ADH1C: variants seen among roughly 807,000 people sequenced by gnomAD.
ADH1C encodes alcohol dehydrogenase 1C.
ADH1C carries 26 observed loss-of-function variants against 35.0 expected under a neutral mutation model. That is an observed-to-expected ratio of 0.74 (90% CI 0.54 to 1.03). ADH1C has a LOEUF of 1.03. Ranked by LOEUF, ADH1C falls within the 50% of genes least tolerant of loss-of-function variation. The probability of loss-of-function intolerance (pLI) is 0.00; values close to 1 mark genes in which losing one functional copy is unlikely to be tolerated. For synonymous variants in ADH1C, 170 were observed against 169.3 expected (o/e 1.00, Z -0.03); for missense variants, 413 against 465.4 (o/e 0.89, Z 1.04).
Position 99,341,206 on chromosome 4 carries a change from T to A in ADH1C, c.829-496A>T, listed in dbSNP as rs556356589. ...CAGATTCCTATGTCCATTTCTCAAG[T>A]GGACATGTTTTAAACATTGTTTTTA... On this transcript the variant is annotated intron_variant, in intron 6 of 8. Coordinates refer to ENST00000515683, the MANE Select transcript of ADH1C (RefSeq NM_000669.5). Among the ~76,000 whole-genome samples, 4 of 152,326 alleles carry A rather than the reference T, an allele frequency of 2.6e-5. No homozygotes were observed. In the South Asian group the frequency reaches 8.3e-4, roughly 32 times the overall value.
At chr4:99,346,981 T>C in intron 3 of ADH1C, 25 bp downstream of exon 3, 1 of 1,609,828 alleles carries the variant, frequency 6.2e-7, no homozygotes, top group Admixed American at 1.7e-5. Flanking sequence ...AACCAAGGCA[T>C]GTTCCCTGAG....
intron 6 of ADH1C, among the ~76,000 whole-genome samples, chr4:99,341,012 C>A (rs1734403145): frequency 1.3e-5 from 2 of 152,178 alleles, no homozygotes; most frequent in Admixed American, 6.5e-5. Flanking sequence ...GTTCCTTGTA[C>A]AAGTGTACAT....
In ADH1C at chr4:99,349,454, A is replaced by G. The variant is rs562294423; in HGVS notation, c.19-1608T>C. 1.5e-3 allele frequency among the ~76,000 whole-genome samples: 233 copies of G among 152,242 alleles called. 1 individual carries two copies. The highest frequency in any genetic ancestry group is 5.5e-3 in the African/African-American group (230 of 41,538). On this transcript the variant is annotated intron_variant, in intron 1 of 8. Transcript: ENST00000515683. Reference sequence around the variant, plus strand: ...TCCTGAAGACAACTGTTTACCCACAACTATTGGCTGGTACATGTTCTAAGT... The same window carrying G: ...TCCTGAAGACAACTGTTTACCCACAGCTATTGGCTGGTACATGTTCTAAGT...
Position 99,347,862 on chromosome 4 carries a change from G to A in ADH1C, c.19-16C>T, listed in dbSNP as rs770714496. On this transcript the variant is annotated splice_polypyrimidine_tract_variant and intron_variant, in intron 1 of 8. Transcript: ENST00000515683. ...ATTTGATTACCTAGAACATCAGACA[G>A]AGAGATGGTACCAGTGTTTTCCCAC... is the stretch of plus-strand genomic sequence containing the variant. The A allele has an allele frequency of 1.2e-6, 2 of 1,613,108 alleles. No individual in the cohort carries two copies. Among genetic ancestry groups the A allele is most frequent in the Non-Finnish European group, 1.7e-6 (2 of 1,179,414 alleles).
At chr4:99,348,769 C>T (rs888390907) in intron 1 of ADH1C, among the ~76,000 whole-genome samples, 16 of 152,018 alleles carry the variant, frequency 1.1e-4, no homozygotes, top group Non-Finnish European at 2.2e-4. Context: ...CCTATTTCTC[C>T]ACATCCTCTC....
chr4:99,339,274 G>C (rs1446665087), intron 8 of ADH1C, among the ~76,000 whole-genome samples: 2 of 151,976 alleles, frequency 1.3e-5, no homozygotes, highest in South Asian at 2.1e-4. Context: ...TTTTTGGAGG[G>C]GGATGGGGGC....
Position 99,345,160 on chromosome 4 carries a change from G to T in ADH1C, c.347+19C>A, listed in dbSNP as rs75797048. ...TGTGCAAACTCAAAGTCTGTGCAAAGAAAGCATCAGAAACTTACTCATTTT... is the reference window on the plus strand; with the variant it reads ...TGTGCAAACTCAAAGTCTGTGCAAATAAAGCATCAGAAACTTACTCATTTT... On this transcript the variant is annotated intron_variant, in intron 4 of 8. Coordinates refer to ENST00000515683, the MANE Select transcript of ADH1C (RefSeq NM_000669.5). The T allele has an allele frequency of 2.5e-3, 3,988 of 1,613,690 alleles. 8 individuals are homozygous for T. Among genetic ancestry groups the T allele is most frequent in the Non-Finnish European group, 3.0e-3 (3,486 of 1,179,654 alleles).
chr4:99,338,871 T>A (rs1734347123), intron 8 of ADH1C, among the ~76,000 whole-genome samples: 1 of 151,806 alleles, frequency 6.6e-6, no homozygotes, highest in African/African-American at 2.4e-5. Flanking sequence ...TATTTCCAGT[T>A]ATGTCTCATA....
chr4:99,347,157 G>C lies in ADH1C; in HGVS notation c.121-13C>G. 1.9e-6 allele frequency: 3 copies of C among 1,608,754 alleles called. No individual in the cohort carries two copies. The highest frequency in any genetic ancestry group is 2.5e-6 in the Non-Finnish European group (3 of 1,178,518). Reference sequence around the variant, plus strand: ...CTGCAGCCACCATCTACAGAATAAAGAGAAGATGTTTAGATTCAGAAAAGA... The same window carrying C: ...CTGCAGCCACCATCTACAGAATAAACAGAAGATGTTTAGATTCAGAAAAGA... On this transcript the variant is annotated splice_polypyrimidine_tract_variant and intron_variant, in intron 2 of 8. Transcript: ENST00000515683.
Position 99,345,401 on chromosome 4 carries a change from G to A in ADH1C, c.260-135C>T. Reference sequence around the variant, plus strand: ...AGAAATAGGGTCTAGTCACAACTATGTCATTTGTCATTGCCTGCCAAGGCA... The same window carrying A: ...AGAAATAGGGTCTAGTCACAACTATATCATTTGTCATTGCCTGCCAAGGCA... On this transcript the variant is annotated intron_variant, in intron 3 of 8. Transcript: ENST00000515683. 3.3e-6 allele frequency: 3 copies of A among 921,918 alleles called. No homozygotes were observed. In the Middle Eastern group the frequency reaches 9.8e-4, roughly 302 times the overall value. 57.1% of individuals were successfully genotyped at this position (921,918 alleles called of 1,614,324 possible).
chr4:99,345,301 C>A (rs1270288375), intron 3 of ADH1C, 35 bp from the exon 4 acceptor site: 2 of 1,577,922 alleles, frequency 1.3e-6, no homozygotes, highest in Non-Finnish European at 1.7e-6. Flanking sequence ...TCTTAAATTT[C>A]TATGCAGGAA....
Position 99,345,148 on chromosome 4 carries a change from A to G in ADH1C, c.347+31T>C, listed in dbSNP as rs1417698331. On this transcript the variant is annotated intron_variant, in intron 4 of 8. Transcript: ENST00000515683. Reference sequence around the variant, plus strand: ...GACCATAACTAATGTGCAAACTCAAAGTCTGTGCAAAGAAAGCATCAGAAA... The same window carrying G: ...GACCATAACTAATGTGCAAACTCAAGGTCTGTGCAAAGAAAGCATCAGAAA... 3 of 1,613,668 alleles carry G rather than the reference A, an allele frequency of 1.9e-6. No individual in the cohort carries two copies. The South Asian group carries it at 3.3e-5, about 18-fold the overall frequency.
At chr4:99,342,135 C>T (rs1233240521) in intron 6 of ADH1C, among the ~76,000 whole-genome samples, 2 of 152,164 alleles carry the variant, frequency 1.3e-5, no homozygotes, top group Non-Finnish European at 1.5e-5. Context: ...TTGTCTCATG[C>T]GTTTCATAAA....
chr4:99,348,387 T>C lies in ADH1C; in HGVS notation c.19-541A>G, dbSNP rs1734593001. 2.0e-5 allele frequency among the ~76,000 whole-genome samples: 3 copies of C among 151,618 alleles called. No individual in the cohort carries two copies. The South Asian group carries it at 6.3e-4, about 32-fold the overall frequency. ...TGAGAATATGCGGTGTTTGGTTTTT[T>C]GTTCTTGCGATAGTTTACTGAGAAT... On this transcript the variant is annotated intron_variant, in intron 1 of 8. Coordinates refer to ENST00000515683, the MANE Select transcript of ADH1C (RefSeq NM_000669.5).
At chr4:99,344,484 G>A (rs188096041) in intron 5 of ADH1C, among the ~76,000 whole-genome samples, 52 of 152,232 alleles carry the variant, frequency 3.4e-4, no homozygotes, top group Non-Finnish European at 6.8e-4. Context: ...AAGGGCAAAC[G>A]CTTCATTTCA....
chr4:99,345,044 T>G lies in ADH1C; in HGVS notation c.385A>C (p.Arg129=). 6.2e-7 allele frequency: 1 copy of G among 1,614,202 alleles called. No homozygotes were observed. Residue 129 remains arginine, a synonymous_variant, in exon 5 of 9, where the codon AGG becomes CGG. Coordinates refer to ENST00000515683, the MANE Select transcript of ADH1C (RefSeq NM_000669.5). ...GGCTTCCCGCTGCAGGTGAACCTCC[T>G]GGTGCCATCCTGCAGGGTCCCCCGA... ...NPRGTLQDGT[R]RFTCSGKPIH... is the part of the protein sequence containing the mutation.
intron 1 of ADH1C, 68 bp from the exon 2 acceptor site, chr4:99,347,914 C>A: frequency 6.4e-7 from 1 of 1,557,110 alleles, no homozygotes; most frequent in Non-Finnish European, 8.8e-7. Flanking sequence ...TGTGTCTTTT[C>A]ATCTTTGTAC....
intron 7 of ADH1C, among the ~76,000 whole-genome samples, chr4:99,340,370 C>T (rs1286156468): frequency 2.0e-5 from 3 of 151,984 alleles, no homozygotes; most frequent in East Asian, 1.9e-4. Context: ...GTCAAGATTG[C>T]GCCACTGCAC....
At chr4:99,350,217 G>A (rs1734642970) in intron 1 of ADH1C, among the ~76,000 whole-genome samples, 2 of 152,094 alleles carry the variant, frequency 1.3e-5, no homozygotes, top group African/African-American at 4.8e-5. Context: ...TGTGACAGGT[G>A]CACTGTGGCT....
Sources: allele counts gnomAD v4.1 joint callset (sites outside exome capture counted in the v4.1 genomes callset), GRCh38; gene constraint gnomAD v4.1.1; transcripts MANE v1.5; gene names NCBI Gene and HGNC (gene_info 2026-07-23, HGNC 2026-07-21).